The following ITGA1 variants were observed in gnomAD, a reference collection of about 807,000 sequenced individuals.
ITGA1 encodes integrin subunit alpha 1, also known as integrin alpha-1.
Under a neutral mutation model 145.9 loss-of-function variants are expected in ITGA1, and 85 were observed. That is an observed-to-expected ratio of 0.58 (90% confidence interval 0.49 to 0.70). The LOEUF is 0.70. Ranked by LOEUF, ITGA1 falls within the 30% of genes least tolerant of loss-of-function variation. The probability of loss-of-function intolerance (pLI) is 0.00; values close to 1 mark genes in which losing one functional copy is unlikely to be tolerated. For synonymous variants in ITGA1, 520 were observed against 495.3 expected, an observed-to-expected ratio of 1.05 and a Z score of -0.66; for missense variants, 1,351 against 1,418.7, an observed-to-expected ratio of 0.95 and a Z score of 0.77.
rs1042789747 is a variant in ITGA1, at chr5:52,872,622, G to A, written c.624+6805G>A. ...GGTGGAGGAGATGGAGTTTTGCTCC[G>A]ATCTCAGCTCACTGCAACCTCCGCC... On this transcript the variant is annotated intron_variant, in intron 6 of 28. Coordinates refer to ENST00000282588, the MANE Select transcript of ITGA1 (RefSeq NM_181501.2). 2.2e-5 allele frequency among the ~76,000 whole-genome samples: 3 copies of A among 133,370 alleles called. No individual in the cohort carries two copies. The East Asian group carries it at 7.0e-4, about 31-fold the overall frequency. The allele number at this position is 133,370 out of a possible 152,430, so 87.5% of individuals were successfully genotyped here.
At chr5:52,871,511 C>A (rs1415091696) in intron 6 of ITGA1, among the ~76,000 whole-genome samples, 2 of 151,902 alleles carry the variant, frequency 1.3e-5, no homozygotes, top group Non-Finnish European at 2.9e-5. Context: ...GATTCCTATT[C>A]TCTGCAGTCA....
At chr5:52,801,598 A>G in intron 1 of ITGA1, 3 of 1,613,982 alleles carry the variant, frequency 1.9e-6, no homozygotes, top group Non-Finnish European at 2.5e-6. Flanking sequence ...CAATGAAGCC[A>G]TGGCAATTGA....
rs186833193 is a variant in ITGA1 at position 52,872,447 on chromosome 5, A to C, written c.624+6630A>C. On this transcript the variant is annotated intron_variant, in intron 6 of 28. Coordinates refer to ENST00000282588, the MANE Select transcript of ITGA1 (RefSeq NM_181501.2). Reference sequence around the variant, plus strand: ...ACATTTCCCTAATAACAAACAAAAAAGAAACAAATAACTCTTCTTGTTGCC... The same window carrying C: ...ACATTTCCCTAATAACAAACAAAAACGAAACAAATAACTCTTCTTGTTGCC... 4.6e-5 allele frequency among the ~76,000 whole-genome samples: 7 copies of C among 152,282 alleles called. No individual in the cohort carries two copies. The East Asian group carries it at 1.2e-3, about 25-fold the overall frequency.
Position 52,858,274 on chromosome 5 carries a change from G to A in ITGA1, c.183-3173G>A, listed in dbSNP as rs75387813. 4.0e-3 allele frequency among the ~76,000 whole-genome samples: 616 copies of A among 152,300 alleles called. 4 individuals are homozygous for A. The highest frequency in any genetic ancestry group is 0.014 in the African/African-American group (584 of 41,564). ...AGCCAAAGTTCTTAAAGCTGACTAT[G>A]AGAACATTCATGATCTGGACTCTTT... On this transcript the variant is annotated intron_variant, in intron 2 of 28. Transcript: ENST00000282588.
intron 19 of ITGA1, 124 bp downstream of exon 19, chr5:52,925,611 T>G (rs1037174157): frequency 1.3e-5 from 9 of 703,886 alleles, no homozygotes; most frequent in Non-Finnish European, 1.9e-5. Context: ...TTTTTTACAT[T>G]AGTCCTCACC....
At chr5:52,894,206 T>G (rs1253179798) in intron 9 of ITGA1, among the ~76,000 whole-genome samples, 2 of 152,166 alleles carry the variant, frequency 1.3e-5, no homozygotes, top group Non-Finnish European at 2.9e-5. Context: ...TTTTTTTGTT[T>G]GTTTGTTTCT....
chr5:52,839,362 G>A (rs1749216164), intron 1 of ITGA1, among the ~76,000 whole-genome samples: 2 of 151,982 alleles, frequency 1.3e-5, no homozygotes, highest in African/African-American at 4.8e-5. Context: ...ATTTACATCT[G>A]AATGTGTTTT....
intron 14 of ITGA1, among the ~76,000 whole-genome samples, chr5:52,912,466 A>G (rs1178934912): frequency 1.4e-5 from 2 of 143,776 alleles, no homozygotes; most frequent in Admixed American, 7.0e-5. Context: ...GGTATTATAT[A>G]TAGTGTATCC....
intron 1 of ITGA1, among the ~76,000 whole-genome samples, chr5:52,829,229 G>A (rs1580051087): frequency 6.6e-6 from 1 of 152,026 alleles, no homozygotes; most frequent in East Asian, 1.9e-4. Context: ...AAACAAAATG[G>A]AAAACAATTT....
At chr5:52,859,935 C>T (rs1470278629) in intron 2 of ITGA1, among the ~76,000 whole-genome samples, 3 of 152,150 alleles carry the variant, frequency 2.0e-5, no homozygotes, top group Admixed American at 2.0e-4. Flanking sequence ...GCATTTTTGG[C>T]ACTAAAATAC....
intron 6 of ITGA1, among the ~76,000 whole-genome samples, chr5:52,874,384 C>T (rs1342308814): frequency 1.3e-5 from 2 of 151,962 alleles, no homozygotes; most frequent in Non-Finnish European, 2.9e-5. Context: ...GACCAAGCAT[C>T]AACATGAGTT....
At position 52,910,143 on chromosome 5, in the gene ITGA1, C is replaced by T. The variant is rs531283143; in HGVS notation, c.1600-19C>T. On this transcript the variant is annotated intron_variant, in intron 13 of 28. Coordinates refer to ENST00000282588, the MANE Select transcript of ITGA1 (RefSeq NM_181501.2). ...GTAATGATGGAAATACATAAATATC[C>T]TGTTTATCTTTCTTCCAGACAAGGT... is the stretch of plus-strand genomic sequence containing the variant. 10 of 1,593,696 alleles carry T rather than the reference C, an allele frequency of 6.3e-6. No homozygotes were observed. In the East Asian group the frequency reaches 1.6e-4, roughly 25 times the overall value.
Position 52,827,512 on chromosome 5 carries a change from G to A in ITGA1, c.62-21853G>A, listed in dbSNP as rs144722579. The stretch of plus-strand genomic sequence containing the variant: ...TAATTTTGAAAGAAGTTTTTCTGTG[G>A]GTAAAGTGTGATACAAAAGATGCTC... On this transcript the variant is annotated intron_variant, in intron 1 of 28. Transcript: ENST00000282588. Among the ~76,000 whole-genome samples the A allele has an allele frequency of 6.9e-3, 1,047 of 152,246 alleles. 7 individuals are homozygous for A. The highest frequency in any genetic ancestry group is 0.024 in the African/African-American group (993 of 41,536).
intron 6 of ITGA1, chr5:52,866,960 G>A (rs1485510784): frequency 1.3e-5 from 2 of 151,434 alleles, no homozygotes; most frequent in African/African-American, 4.9e-5. Flanking sequence ...TTTGGAGGCT[G>A]TAGAGAGCAT....
chr5:52,942,378 T>C (rs1447043984), intron 26 of ITGA1, among the ~76,000 whole-genome samples: 1 of 152,190 alleles, frequency 6.6e-6, no homozygotes, highest in Non-Finnish European at 1.5e-5. Context: ...GTATGGCCAT[T>C]TAATGATATT....
At chr5:52,911,987 G>GTATATCTACTATATATACTATA in intron 14 of ITGA1, among the ~76,000 whole-genome samples, 1 of 54,366 alleles carries the variant, frequency 1.8e-5, no homozygotes, top group Non-Finnish European at 5.0e-5. Context: ...TATACTATAT[G>GTATATCTACTATATATACTATA]TATAGTGTGT....
chr5:52,910,116 T>C, intron 13 of ITGA1, 46 bp from the exon 14 acceptor site: 1 of 1,553,606 alleles, frequency 6.4e-7, no homozygotes, highest in East Asian at 2.3e-5. Flanking sequence ...TACTCTGCTG[T>C]AGTAATGATG....
At chr5:52,803,695 T>C (rs1377293067) in intron 1 of ITGA1, 1 of 152,186 alleles carries the variant, frequency 6.6e-6, no homozygotes, top group Non-Finnish European at 1.5e-5. Flanking sequence ...AGCCACTGAT[T>C]CAGGCCTTGC....
chr5:52,883,565 A>C (rs1749998973), intron 7 of ITGA1, among the ~76,000 whole-genome samples: 1 of 152,212 alleles, frequency 6.6e-6, no homozygotes, highest in African/African-American at 2.4e-5. Context: ...AGAAGTTGCA[A>C]ACAATATTTT....
Sources: allele counts gnomAD v4.1 joint callset (sites outside exome capture counted in the v4.1 genomes callset), GRCh38; gene constraint gnomAD v4.1.1; transcripts MANE v1.5; gene names NCBI Gene and HGNC (gene_info 2026-07-23, HGNC 2026-07-21).